Variants in TIE1 observed in about 807,000 individuals in gnomAD.
TIE1 encodes tyrosine-protein kinase receptor Tie-1.
Under a neutral mutation model 130.5 loss-of-function variants are expected in TIE1, and 89 were observed. The observed-to-expected ratio is 0.68, with a 90% CI of 0.57 to 0.81. The LOEUF (loss-of-function observed/expected upper bound fraction) is 0.81, where lower values mean the gene tolerates loss of function less well. Among genes scored for constraint, TIE1 ranks in the 40% least tolerant of loss-of-function variants. The probability of loss-of-function intolerance (pLI) is 0.00; values close to 1 mark genes in which losing one functional copy is unlikely to be tolerated. For synonymous variants in TIE1, 568 were observed against 629.4 expected (o/e 0.90, Z 1.46); for missense variants, 1,392 against 1,559.8 (o/e 0.89, Z 1.81).
At chr1:43,310,323 T>A (rs1413330515) in intron 9 of TIE1, among the ~76,000 whole-genome samples, 1 of 152,180 alleles carries the variant, frequency 6.6e-6, no homozygotes, top group Non-Finnish European at 1.5e-5. Context: ...TGGGCTTGAA[T>A]CCTCTCTCCA....
intron 9 of TIE1, among the ~76,000 whole-genome samples, chr1:43,311,340 C>T (rs1646788246): frequency 6.6e-6 from 1 of 151,556 alleles, no homozygotes. Flanking sequence ...GGGCAGAGAG[C>T]AGGATGATGC....
In TIE1 at chr1:43,307,345, G is replaced by T; in HGVS notation, c.772+72G>T. On this transcript the variant is annotated intron_variant, in intron 5 of 22. Coordinates refer to ENST00000372476, the MANE Select transcript of TIE1 (RefSeq NM_005424.5). This position sits in a 1 kb window ranked among gnomAD's most constrained non-coding sequence, Gnocchi z 5.4. The stretch of plus-strand genomic sequence containing the variant: ...TGGGAGAAGACCCTAGAACCATGTG[G>T]GTGGAGCTTGGAGGGTAAGGGCGAC... The T allele has an allele frequency of 6.2e-7, 1 of 1,611,782 alleles. No individual in the cohort carries two copies. Among genetic ancestry groups the T allele is most frequent in the South Asian group, 1.1e-5 (1 of 91,038 alleles).
At position 43,318,201 on chromosome 1, in the gene TIE1, A is replaced by T; in HGVS notation, c.2922+129A>T. 8.3e-7 allele frequency: 1 copy of T among 1,207,812 alleles called. No homozygotes were observed. 74.8% of individuals were successfully genotyped at this position (1,207,812 alleles called of 1,614,324 possible). A position where few individuals can be genotyped will look rare whatever the true frequency, so the allele number is the denominator to read the frequency against. ...CTGGCCCAAGTGTGTGGGTGGGTGC[A>T]AGCACAGCGAGGAGGCAGGGCCAAG... On this transcript the variant is annotated intron_variant, in intron 17 of 22. Transcript: ENST00000372476. This position sits in a 1 kb window ranked among gnomAD's most constrained non-coding sequence, Gnocchi z 4.4.
rs1057020408 is a variant in TIE1 at position 43,309,282 on chromosome 1, G to T, written c.1189-106G>T. On this transcript the variant is annotated intron_variant, in intron 8 of 22. Coordinates refer to ENST00000372476, the MANE Select transcript of TIE1 (RefSeq NM_005424.5). This position sits in a 1 kb window ranked among gnomAD's most constrained non-coding sequence, Gnocchi z 6.3. Reference sequence around the variant, plus strand: ...TGAGGTCAGGCTGATTGGTGAGGGGGCTGCCACTGGGCCTCTGTCCTGCCA... The same window carrying T: ...TGAGGTCAGGCTGATTGGTGAGGGGTCTGCCACTGGGCCTCTGTCCTGCCA... The T allele has an allele frequency of 5.3e-6, 8 of 1,512,864 alleles. No homozygotes were observed. The African/African-American group carries it at 5.6e-5, about 11-fold the overall frequency. 93.7% of individuals were successfully genotyped at this position (1,512,864 alleles called of 1,614,324 possible). A position where few individuals can be genotyped will look rare whatever the true frequency, so the allele number is the denominator to read the frequency against.
chr1:43,313,378 G>A lies in TIE1; in HGVS notation c.2171G>A (p.Gly724Glu), dbSNP rs772425017. ...TTCCGCATGCGGGCCAGCATTCAGG[G>A]GCTCGGGGACTGGAGCAACACAGTA... is the stretch of plus-strand genomic sequence containing the variant. Reference protein sequence around the residue: ...YLFRMRASIQGLGDWSNTVEE... With the variant: ...YLFRMRASIQELGDWSNTVEE... The change falls in exon 13 of 23, where the codon GGG (glycine) becomes GAG (glutamate). Residue 724 changes from glycine (G) to glutamate (E), a missense_variant. Physicochemically the swap from Gly to Glu is moderately conservative, Grantham distance 98. Coordinates refer to ENST00000372476, the MANE Select transcript of TIE1 (RefSeq NM_005424.5). The surrounding 1 kb of genome is among the most constrained non-coding windows in gnomAD (Gnocchi z 6.2). 6.2e-7 allele frequency: 1 copy of A among 1,614,038 alleles called. No individual in the cohort carries two copies. Among genetic ancestry groups the A allele is most frequent in the South Asian group, 1.1e-5 (1 of 91,086 alleles).
intron 14 of TIE1, chr1:43,314,473 C>T: frequency 1.9e-6 from 2 of 1,033,670 alleles, no homozygotes; most frequent in Non-Finnish European, 2.3e-6. Context: ...GTAGGCCAGT[C>T]ATGCTGTGAG....
chr1:43,319,384 G>T lies in TIE1; in HGVS notation c.3036+36G>T. 6.2e-7 allele frequency: 1 copy of T among 1,611,288 alleles called. No individual in the cohort carries two copies. The highest frequency in any genetic ancestry group is 8.5e-7 in the Non-Finnish European group (1 of 1,177,496). On this transcript the variant is annotated intron_variant, in intron 18 of 22. Transcript: ENST00000372476. The surrounding 1 kb of genome is among the most constrained non-coding windows in gnomAD (Gnocchi z 4.7). ...TTCAACCCTCACCCTTAGGGCTTGTGCCTGGCCCTGCCCCACAGGAGCCTC... is the reference window on the plus strand; with the variant it reads ...TTCAACCCTCACCCTTAGGGCTTGTTCCTGGCCCTGCCCCACAGGAGCCTC...
rs141307861 is a variant in TIE1, at chr1:43,316,314, G to A, written c.2410-885G>A. Reference sequence around the variant, plus strand: ...ACATCACGTGCATTTGCTATGTGCCGTCAGCACCAGTGCTTCTTGCAAATC... The same window carrying A: ...ACATCACGTGCATTTGCTATGTGCCATCAGCACCAGTGCTTCTTGCAAATC... On this transcript the variant is annotated intron_variant, in intron 14 of 22. Transcript: ENST00000372476. The surrounding 1 kb of genome is among the most constrained non-coding windows in gnomAD (Gnocchi z 4.4). Among the ~76,000 whole-genome samples the A allele has an allele frequency of 1.1e-3, 164 of 152,278 alleles. No individual in the cohort carries two copies. In the East Asian group the frequency reaches 0.024, roughly 22 times the overall value.
rs1646764089 is a variant in TIE1, at chr1:43,309,236, T to C, written c.1188+105T>C. On this transcript the variant is annotated intron_variant, in intron 8 of 22. Coordinates refer to ENST00000372476, the MANE Select transcript of TIE1 (RefSeq NM_005424.5). The surrounding 1 kb of genome is among the most constrained non-coding windows in gnomAD (Gnocchi z 6.3). ...CAGAACTTTCTGCAGGGCCCACCCA[T>C]TGGCCTGACCATTGCTCACATGAGG... 9 of 1,511,506 alleles carry C rather than the reference T, an allele frequency of 6.0e-6. No homozygotes were observed. The highest frequency in any genetic ancestry group is 1.3e-5 in the South Asian group (1 of 75,118). The allele number at this position is 1,511,506 out of a possible 1,614,324, so 93.6% of individuals were successfully genotyped here.
At chr1:43,320,106 C>A in intron 19 of TIE1, 1 of 160,392 alleles carries the variant, frequency 6.2e-6, no homozygotes, top group East Asian at 1.8e-4. Flanking sequence ...CGTGCTTCTG[C>A]CCCAACACTC....
Position 43,309,365 on chromosome 1 carries a change from T to C in TIE1, c.1189-23T>C, listed in dbSNP as rs1288670550. The C allele has an allele frequency of 1.5e-5, 23 of 1,566,904 alleles. No individual in the cohort carries two copies. The highest frequency in any genetic ancestry group is 2.0e-5 in the Non-Finnish European group (23 of 1,159,400). Reference sequence around the variant, plus strand: ...AGAGGTGCCCGTTCCCTGTGACCTGTCCCCTTCCCCCATCTCTTTTAGTCC... The same window carrying C: ...AGAGGTGCCCGTTCCCTGTGACCTGCCCCCTTCCCCCATCTCTTTTAGTCC... On this transcript the variant is annotated intron_variant, in intron 8 of 22. Coordinates refer to ENST00000372476, the MANE Select transcript of TIE1 (RefSeq NM_005424.5). This position sits in a 1 kb window ranked among gnomAD's most constrained non-coding sequence, Gnocchi z 6.3.
intron 1 of TIE1, among the ~76,000 whole-genome samples, chr1:43,304,224 C>T (rs546043739): frequency 1.9e-4 from 29 of 152,338 alleles, no homozygotes; most frequent in Admixed American, 1.3e-3. Context: ...CGTGAGCCAC[C>T]GCACCCAGCC....
intron 1 of TIE1, among the ~76,000 whole-genome samples, chr1:43,301,903 C>T (rs1646674678): frequency 6.6e-6 from 1 of 152,160 alleles, no homozygotes; most frequent in African/African-American, 2.4e-5. Context: ...ATTTTATATG[C>T]ATTTCACCAC....
chr1:43,313,973 G>A lies in TIE1; in HGVS notation c.2409+5G>A. 1 of 1,613,740 alleles carries A rather than the reference G, an allele frequency of 6.2e-7. No individual in the cohort carries two copies. Among genetic ancestry groups the A allele is most frequent in the Non-Finnish European group, 8.5e-7 (1 of 1,179,818 alleles). On this transcript the variant is annotated splice_donor_5th_base_variant and intron_variant, in intron 14 of 22. Coordinates refer to ENST00000372476, the MANE Select transcript of TIE1 (RefSeq NM_005424.5). The surrounding 1 kb of genome is among the most constrained non-coding windows in gnomAD (Gnocchi z 6.2). ...TTCACCTACCAGTCAGGCTCGGTCA[G>A]TGACCCGCCCCGCCCCTGGGTGCAT...
rs1646880764 is a variant in TIE1 at position 43,318,248 on chromosome 1, G to A, written c.2922+176G>A. Among the ~76,000 whole-genome samples the A allele has an allele frequency of 6.6e-6, 1 of 152,162 alleles. No homozygotes were observed. Among genetic ancestry groups the A allele is most frequent in the African/African-American group, 2.4e-5 (1 of 41,442 alleles). On this transcript the variant is annotated intron_variant, in intron 17 of 22. Coordinates refer to ENST00000372476, the MANE Select transcript of TIE1 (RefSeq NM_005424.5). The surrounding 1 kb of genome is among the most constrained non-coding windows in gnomAD (Gnocchi z 4.4). ...CAAGGGGCAGGTCTGGAGGAGGTGG[G>A]GACTTCCAGTATGGAGGGTGCGGGT...
rs1231820441 is a variant in TIE1 at position 43,305,282 on chromosome 1, C to G, written c.423C>G (p.Thr141=). ...CACACACTGTGAACAAAGGTGACAC[C>G]GCTGTACTTTCTGCACGTGTGCACA... is the stretch of plus-strand genomic sequence containing the variant. The part of the protein sequence containing the change: ...KVTHTVNKGD[T]AVLSARVHKE... Residue 141 remains threonine, a synonymous_variant, in exon 3 of 23, where the codon ACC becomes ACG. Transcript: ENST00000372476. 5 of 1,609,068 alleles carry G rather than the reference C, an allele frequency of 3.1e-6. No homozygotes were observed. Among genetic ancestry groups the G allele is most frequent in the Admixed American group, 3.3e-5 (2 of 59,804 alleles).
In TIE1 at chr1:43,307,330, C is replaced by T; in HGVS notation, c.772+57C>T. 1 of 1,612,574 alleles carries T rather than the reference C, an allele frequency of 6.2e-7. No homozygotes were observed. Among genetic ancestry groups the T allele is most frequent in the Non-Finnish European group, 8.5e-7 (1 of 1,179,088 alleles). On this transcript the variant is annotated intron_variant, in intron 5 of 22. Transcript: ENST00000372476. This position sits in a 1 kb window ranked among gnomAD's most constrained non-coding sequence, Gnocchi z 5.4. ...GAGAGGATCCCTGACTGGGAGAAGA[C>T]CCTAGAACCATGTGGGTGGAGCTTG...
At chr1:43,308,021 G>A in intron 7 of TIE1, 97 bp downstream of exon 7, 7 of 1,530,548 alleles carry the variant, frequency 4.6e-6, no homozygotes, top group South Asian at 1.2e-5. Context: ...CTTTCCCTAC[G>A]AGGGTCCAAG....
chr1:43,305,042 G>T lies in TIE1; in HGVS notation c.250G>T (p.Gly84Cys), dbSNP rs372985999. 8.0e-5 allele frequency: 128 copies of T among 1,598,116 alleles called. No homozygotes were observed. Among genetic ancestry groups the T allele is most frequent in the Non-Finnish European group, 1.0e-4 (122 of 1,170,396 alleles). The change falls in exon 2 of 23, where the codon GGT becomes TGT. Residue 84 changes from glycine to cysteine, a missense_variant. Coordinates refer to ENST00000372476, the MANE Select transcript of TIE1 (RefSeq NM_005424.5). Reference sequence around the variant, plus strand: ...GCCACCCCTGCGCCTGGCGCGCAACGGTTCGCACCAGGTCACGCTTCGCGG... The same window carrying T: ...GCCACCCCTGCGCCTGGCGCGCAACTGTTCGCACCAGGTCACGCTTCGCGG... ...PGPPLRLARN[G>C]SHQVTLRGFS...
Sources: allele counts gnomAD v4.1 joint callset (sites outside exome capture counted in the v4.1 genomes callset), GRCh38; gene constraint gnomAD v4.1.1; non-coding constraint Gnocchi (gnomAD v3.1); transcripts MANE v1.5; gene names NCBI Gene and HGNC (gene_info 2026-07-23, HGNC 2026-07-21).